The following GRID2 variants were observed in gnomAD, a reference collection of about 807,000 sequenced individuals.
GRID2 encodes glutamate ionotropic receptor delta type subunit 2.
A neutral mutation model predicts 114.8 loss-of-function variants in GRID2; 33 were observed. That is an observed-to-expected ratio of 0.29 (90% CI 0.22 to 0.38). The LOEUF is 0.38. GRID2 is among the 10% of genes least tolerant of loss of function. The probability of loss-of-function intolerance (pLI) is 1.00; values close to 1 mark genes in which losing one functional copy is unlikely to be tolerated. For missense variants in GRID2, 1,184 were observed against 1,257.7 expected (o/e 0.94, Z 0.89); for synonymous variants, 505 against 449.9 (o/e 1.12, Z -1.55).
intron 1 of GRID2, among the ~76,000 whole-genome samples, chr4:92,551,572 C>T (rs1161022001): frequency 6.6e-6 from 1 of 152,054 alleles, no homozygotes; most frequent in Non-Finnish European, 1.5e-5. Flanking sequence ...GCTAATCATT[C>T]ATTTATGCAT....
chr4:93,335,972 C>G (rs1759046952), intron 8 of GRID2, among the ~76,000 whole-genome samples: 1 of 152,130 alleles, frequency 6.6e-6, no homozygotes, highest in African/African-American at 2.4e-5. Flanking sequence ...TAGGCGTGAG[C>G]CACCACACCT....
intron 9 of GRID2, among the ~76,000 whole-genome samples, chr4:93,402,633 A>G (rs983341627): frequency 6.6e-6 from 1 of 152,092 alleles, no homozygotes; most frequent in African/African-American, 2.4e-5. Flanking sequence ...AAAACCTGCT[A>G]ATGAGGACCA....
chr4:92,777,114 T>C (rs1024876266), intron 2 of GRID2, among the ~76,000 whole-genome samples: 3 of 151,724 alleles, frequency 2.0e-5, no homozygotes, highest in Non-Finnish European at 2.9e-5. Context: ...TCCGAGATAC[T>C]AGAGAAGAGA....
intron 4 of GRID2, among the ~76,000 whole-genome samples, chr4:93,126,239 T>G (rs1734250606): frequency 6.6e-6 from 1 of 152,214 alleles, no homozygotes; most frequent in African/African-American, 2.4e-5. Flanking sequence ...TTTCCAGTGA[T>G]AATTTTTAAT....
At position 92,893,951 on chromosome 4, in the gene GRID2, G is replaced by C. The variant is rs190919966; in HGVS notation, c.245-191044G>C. On this transcript the variant is annotated intron_variant, in intron 2 of 15. Coordinates refer to ENST00000282020, the MANE Select transcript of GRID2 (RefSeq NM_001510.4). ...TGGAAAATGGATCCTTCAGTGTCTAGGCCAGTGAGTTTGATGTGGACCCAG... is the reference window on the plus strand; with the variant it reads ...TGGAAAATGGATCCTTCAGTGTCTACGCCAGTGAGTTTGATGTGGACCCAG... 2.4e-4 allele frequency among the ~76,000 whole-genome samples: 37 copies of C among 152,210 alleles called. 1 individual carries two copies. In the East Asian group the frequency reaches 6.4e-3, roughly 26 times the overall value.
chr4:92,607,560 A>G (rs1156573152), intron 2 of GRID2, among the ~76,000 whole-genome samples: 2 of 151,872 alleles, frequency 1.3e-5, no homozygotes, highest in Admixed American at 6.6e-5. Context: ...TATTACCTAG[A>G]ATAATAATGA....
At chr4:93,301,019 G>T (rs113789082) in intron 8 of GRID2, among the ~76,000 whole-genome samples, 2,559 of 152,260 alleles carry the variant, frequency 0.017, 74 homozygotes, top group African/African-American at 0.058. Context: ...GCAGGCCCAG[G>T]CCTGTTTTCG....
intron 4 of GRID2, among the ~76,000 whole-genome samples, chr4:93,139,312 T>C (rs1275320879): frequency 2.6e-5 from 4 of 152,092 alleles, no homozygotes; most frequent in Non-Finnish European, 5.9e-5. Flanking sequence ...CCACAGGACA[T>C]AGCAAATTTG....
At chr4:93,744,306 T>C (rs1183324582) in intron 14 of GRID2, among the ~76,000 whole-genome samples, 1 of 152,182 alleles carries the variant, frequency 6.6e-6, no homozygotes, top group African/African-American at 2.4e-5. Context: ...GTAGCTACCA[T>C]AGACAGACAA....
At chr4:93,187,074 T>C (rs1188748460) in intron 4 of GRID2, among the ~76,000 whole-genome samples, 2 of 152,084 alleles carry the variant, frequency 1.3e-5, no homozygotes, top group African/African-American at 4.8e-5. Flanking sequence ...GACTAATCCC[T>C]TTCACAAGGG....
At chr4:93,367,287 A>T (rs1013425545) in intron 8 of GRID2, among the ~76,000 whole-genome samples, 4 of 150,002 alleles carry the variant, frequency 2.7e-5, no homozygotes, top group African/African-American at 9.8e-5. Flanking sequence ...TTTAAGTCTC[A>T]GACTGGTCAC....
chr4:92,424,348 G>A (rs1440986244), intron 1 of GRID2, among the ~76,000 whole-genome samples: 1 of 151,996 alleles, frequency 6.6e-6, no homozygotes, highest in Non-Finnish European at 1.5e-5. Context: ...TATTCCTTGG[G>A]ATGTTAAACT....
At chr4:92,585,943 A>T (rs1728413485) in intron 1 of GRID2, among the ~76,000 whole-genome samples, 1 of 151,908 alleles carries the variant, frequency 6.6e-6, no homozygotes, top group African/African-American at 2.4e-5. Context: ...GTTTTAATTT[A>T]GGTTTAGGTG....
chr4:93,710,504 A>G (rs935850614), intron 14 of GRID2, among the ~76,000 whole-genome samples: 2 of 152,180 alleles, frequency 1.3e-5, no homozygotes, highest in African/African-American at 4.8e-5. Flanking sequence ...AGCCACCATC[A>G]CTGGGACTGT....
intron 4 of GRID2, among the ~76,000 whole-genome samples, chr4:93,195,385 A>C (rs1013840763): frequency 6.6e-6 from 1 of 152,212 alleles, no homozygotes; most frequent in African/African-American, 2.4e-5. Flanking sequence ...CATCTGAGAA[A>C]GCATGTGTGG....
At chr4:93,407,702 TCTCCTCCTCCTC>T (rs200696257) in intron 9 of GRID2, among the ~76,000 whole-genome samples, 1 of 117,420 alleles carries the variant, frequency 8.5e-6, no homozygotes, top group Non-Finnish European at 1.7e-5. Flanking sequence ...GTTTGGAAGG[TCTCCTCCTCCTC>T]CTCCTCCTTC....
intron 14 of GRID2, among the ~76,000 whole-genome samples, chr4:93,729,218 A>C (rs1463529631): frequency 6.6e-6 from 1 of 151,302 alleles, no homozygotes; most frequent in African/African-American, 2.4e-5. Context: ...TTTAATAAGA[A>C]TATCTGGGAG....
At chr4:93,692,276 G>A (rs1726635796) in intron 14 of GRID2, among the ~76,000 whole-genome samples, 1 of 152,040 alleles carries the variant, frequency 6.6e-6, no homozygotes, top group Admixed American at 6.6e-5. Context: ...ATAATAACCT[G>A]AAGAAAGTGA....
chr4:93,415,442 A>T (rs1767610357), intron 9 of GRID2, among the ~76,000 whole-genome samples: 1 of 152,098 alleles, frequency 6.6e-6, no homozygotes, highest in South Asian at 2.1e-4. Flanking sequence ...ACTCATACTC[A>T]AAACGCAGTC....
Sources: gnomAD v4.1 joint callset for allele counts (sites outside exome capture counted in the v4.1 genomes callset) on GRCh38, gnomAD v4.1.1 for gene constraint, MANE v1.5 for transcripts, NCBI Gene and HGNC (gene_info 2026-07-23, HGNC 2026-07-21) for gene names.